Variants in KAZN observed in about 807,000 individuals in gnomAD.
The protein encoded by KAZN is kazrin, periplakin interacting protein, also known as kazrin.
A neutral mutation model predicts 87.4 loss-of-function variants in KAZN; 40 were observed. That is an observed-to-expected ratio of 0.46 (90% CI 0.36 to 0.60). The LOEUF is 0.60. KAZN is among the 20% of genes least tolerant of loss of function. The pLI is 0.00. For synonymous variants in KAZN, 466 were observed against 458.3 expected (o/e 1.02, Z -0.22); for missense variants, 898 against 1,073.9 (o/e 0.84, Z 2.29).
At chr1:14,120,652 C>G (rs936197059) in intron 1 of KAZN, among the ~76,000 whole-genome samples, 3 of 151,976 alleles carry the variant, frequency 2.0e-5, no homozygotes, top group Non-Finnish European at 4.4e-5. Context: ...GATTGTGAAA[C>G]CTAAAGGAGG....
intron 1 of KAZN, among the ~76,000 whole-genome samples, chr1:14,070,609 A>G (rs1643211167): frequency 6.6e-6 from 1 of 152,224 alleles, no homozygotes; most frequent in Non-Finnish European, 1.5e-5. Context: ...GAGAGAAATA[A>G]TGTCTGATAT....
intron 1 of KAZN, among the ~76,000 whole-genome samples, chr1:14,787,250 T>A (rs1645536245): frequency 6.6e-6 from 1 of 152,242 alleles, no homozygotes; most frequent in East Asian, 1.9e-4. Flanking sequence ...AATTTACCTG[T>A]ATTAGCTCTT....
intron 1 of KAZN, among the ~76,000 whole-genome samples, chr1:14,740,112 G>A (rs76210275): frequency 0.031 from 4,782 of 152,232 alleles, 96 homozygotes; most frequent in South Asian, 0.071. Context: ...CCCAAGCCGA[G>A]TGTGTGCTGG....
chr1:14,967,428 T>C (rs1664581597), intron 2 of KAZN, among the ~76,000 whole-genome samples: 1 of 152,240 alleles, frequency 6.6e-6, no homozygotes, highest in African/African-American at 2.4e-5. Flanking sequence ...CCCTGTCCGA[T>C]GGGCTCAGGG....
intron 6 of KAZN, chr1:15,061,311 A>T (rs1462837711): frequency 1.3e-5 from 2 of 152,352 alleles, no homozygotes; most frequent in Admixed American, 1.3e-4. Context: ...AGTCGTAATT[A>T]TGGAACCATT....
chr1:14,843,918 A>C (rs1648345414), intron 1 of KAZN, among the ~76,000 whole-genome samples: 1 of 152,206 alleles, frequency 6.6e-6, no homozygotes, highest in Admixed American at 6.5e-5. Flanking sequence ...ACAAAGACAC[A>C]CTGAATCTTG....
intron 2 of KAZN, among the ~76,000 whole-genome samples, chr1:14,257,692 T>A (rs1650627718): frequency 6.8e-6 from 1 of 146,672 alleles, no homozygotes; most frequent in Admixed American, 7.0e-5. Context: ...TACATATGGC[T>A]AGCCAGTTTT....
intron 1 of KAZN, among the ~76,000 whole-genome samples, chr1:14,137,666 A>T (rs1645136604): frequency 6.9e-6 from 1 of 145,556 alleles, no homozygotes; most frequent in African/African-American, 2.5e-5. Context: ...TGACAACAGT[A>T]TCTGGTGGTG....
intron 2 of KAZN, among the ~76,000 whole-genome samples, chr1:14,979,361 A>T (rs1666002117): frequency 6.6e-6 from 1 of 151,940 alleles, no homozygotes; most frequent in Non-Finnish European, 1.5e-5. Flanking sequence ...GTGAGCCGAG[A>T]TCGCACCACT....
intron 1 of KAZN, among the ~76,000 whole-genome samples, chr1:14,948,794 TC>T (rs1662130678): frequency 6.6e-6 from 1 of 152,058 alleles, no homozygotes; most frequent in Non-Finnish European, 1.5e-5. Flanking sequence ...TAAGCTCCCA[TC>T]CCAAGTCAGC....
chr1:14,929,537 A>T (rs1476688366), intron 1 of KAZN, among the ~76,000 whole-genome samples: 1 of 152,228 alleles, frequency 6.6e-6, no homozygotes, highest in African/African-American at 2.4e-5. Flanking sequence ...TCTGTAACAC[A>T]GCAAGCTGAC....
At chr1:14,680,406 CTAGAGTATGTGTACTTT>C (rs1640500567) in intron 1 of KAZN, among the ~76,000 whole-genome samples, 2 of 152,038 alleles carry the variant, frequency 1.3e-5, no homozygotes, top group South Asian at 4.1e-4. Flanking sequence ...TACGTGGATC[CTAGAGTATGTGTACTTT>C]TATGTTGGGC....
Position 14,068,301 on chromosome 1 carries a change from C to A in KAZN, c.92-112134C>A, listed in dbSNP as rs1220140866. Among the ~76,000 whole-genome samples, 3 of 152,212 alleles carry A rather than the reference C, an allele frequency of 2.0e-5. No homozygotes were observed. The East Asian group carries it at 5.8e-4, about 29-fold the overall frequency. On this transcript the variant is annotated intron_variant, in intron 1 of 16. Transcript: ENST00000636203. ...GATGTTTTGGAAGAAGCAACCTCTT[C>A]ATGTACAAGCAAGTTTAAATGTTAT...
intron 2 of KAZN, among the ~76,000 whole-genome samples, chr1:14,444,438 G>A (rs1028810053): frequency 3.4e-5 from 5 of 145,752 alleles, no homozygotes; most frequent in Non-Finnish European, 7.4e-5. Context: ...TCAGCCTCCC[G>A]AGTAGCTGGG....
chr1:14,167,313 T>C (rs925798835), intron 1 of KAZN, among the ~76,000 whole-genome samples: 1 of 152,144 alleles, frequency 6.6e-6, no homozygotes, highest in African/African-American at 2.4e-5. Flanking sequence ...GAGAATCGCC[T>C]CCCCTCAACA....
chr1:14,828,814 G>A (rs1465277901), intron 1 of KAZN, among the ~76,000 whole-genome samples: 3 of 152,152 alleles, frequency 2.0e-5, no homozygotes, highest in African/African-American at 7.2e-5. Flanking sequence ...CCAGAGGTTG[G>A]TGGTTTGTTA....
chr1:14,123,245 C>T (rs935404638), intron 1 of KAZN, among the ~76,000 whole-genome samples: 1 of 152,136 alleles, frequency 6.6e-6, no homozygotes, highest in Non-Finnish European at 1.5e-5. Context: ...TAAAATGAAA[C>T]ACACAGAGGC....
chr1:14,816,715 GAC>G (rs3032786), intron 1 of KAZN, among the ~76,000 whole-genome samples: 2,329 of 152,150 alleles, frequency 0.015, 72 homozygotes, highest in African/African-American at 0.054. Flanking sequence ...TAAATTGATA[GAC>G]ACATACATAT....
intron 2 of KAZN, among the ~76,000 whole-genome samples, chr1:14,417,753 T>A (rs1338570495): frequency 2.6e-5 from 4 of 151,814 alleles, no homozygotes; most frequent in African/African-American, 9.7e-5. Flanking sequence ...TCCCAGGACT[T>A]TGGGAGGCCA....
Sources: gnomAD v4.1 joint callset for allele counts (sites outside exome capture counted in the v4.1 genomes callset) on GRCh38, gnomAD v4.1.1 for gene constraint, MANE v1.5 for transcripts, NCBI Gene and HGNC (gene_info 2026-07-23, HGNC 2026-07-21) for gene names.